Variants in CDK19 observed in about 807,000 individuals in gnomAD.
CDK19 encodes cyclin-dependent kinase 19.
CDK19 carries 20 observed loss-of-function variants against 68.3 expected under a neutral mutation model. The observed-to-expected ratio is 0.29, with a 90% CI of 0.21 to 0.43. The LOEUF is 0.43. Ranked by LOEUF, CDK19 falls within the 20% of genes least tolerant of loss-of-function variation. CDK19 has a pLI of 1.00. For missense variants in CDK19, 339 were observed against 623.5 expected, an observed-to-expected ratio of 0.54 and a Z score of 4.86; for synonymous variants, 221 against 222.8, an observed-to-expected ratio of 0.99 and a Z score of 0.07.
intron 1 of CDK19, among the ~76,000 whole-genome samples, chr6:110,804,883 G>C (rs981181162): frequency 6.6e-6 from 1 of 151,614 alleles, no homozygotes; most frequent in Non-Finnish European, 1.5e-5. Context: ...GTGAACCCAG[G>C]AGGCGGAGCT....
intron 5 of CDK19, among the ~76,000 whole-genome samples, chr6:110,636,329 G>A (rs1232041755): frequency 6.6e-6 from 1 of 152,168 alleles, no homozygotes; most frequent in African/African-American, 2.4e-5. Context: ...ATGATCCTGA[G>A]GCCATAACTT....
Position 110,611,282 on chromosome 6 carries a change from T to C in CDK19, c.*3253A>G, listed in dbSNP as rs1778008530. 6.6e-6 allele frequency: 1 copy of C among 152,264 alleles called. No homozygotes were observed. The allele number at this position is 152,264 out of a possible 1,614,324, so 9.4% of individuals were successfully genotyped here. On this transcript the variant is annotated 3_prime_UTR_variant, in exon 13 of 13. Transcript: ENST00000368911. ...AGCAGAAAGCCTTCACTTGGATTCA[T>C]TCCTTCCTGTCAATAACCCCTCCTA...
intron 3 of CDK19, among the ~76,000 whole-genome samples, chr6:110,668,946 T>C (rs892060938): frequency 6.6e-6 from 1 of 152,210 alleles, no homozygotes; most frequent in African/African-American, 2.4e-5. Flanking sequence ...AGTTTATTGC[T>C]TAAGTTCTTT....
At chr6:110,722,415 T>C (rs1775966025) in intron 2 of CDK19, 2 of 151,866 alleles carry the variant, frequency 1.3e-5, no homozygotes, top group African/African-American at 2.4e-5. Flanking sequence ...AAAAAATGTT[T>C]TGGCCGGGTA....
intron 4 of CDK19, among the ~76,000 whole-genome samples, chr6:110,657,179 T>C (rs1479268431): frequency 6.6e-6 from 1 of 152,158 alleles, no homozygotes; most frequent in Admixed American, 6.5e-5. Flanking sequence ...GAGTAGCAGG[T>C]CCAGATGAAA....
At chr6:110,670,172 C>T (rs1447854974) in intron 3 of CDK19, among the ~76,000 whole-genome samples, 7 of 148,648 alleles carry the variant, frequency 4.7e-5, no homozygotes, top group South Asian at 4.2e-4. Context: ...TCGTCTCCCC[C>T]GGGCCAAAAA....
chr6:110,778,657 G>A (rs1780587175), intron 1 of CDK19, among the ~76,000 whole-genome samples: 1 of 152,144 alleles, frequency 6.6e-6, no homozygotes, highest in South Asian at 2.1e-4. Context: ...ACTACTGGCT[G>A]CCTAGCATAC....
chr6:110,633,622 A>T (rs1010595597), intron 5 of CDK19, among the ~76,000 whole-genome samples: 5 of 135,844 alleles, frequency 3.7e-5, no homozygotes, highest in South Asian at 2.5e-4. Flanking sequence ...TAAAAGTAAT[A>T]AAAAAAATTA....
chr6:110,714,722 C>T (rs373045490), intron 2 of CDK19, among the ~76,000 whole-genome samples: 9 of 69,824 alleles, frequency 1.3e-4, no homozygotes, highest in South Asian at 1.1e-3. Flanking sequence ...AATGTCTTTT[C>T]TTTTTTTTTT....
At chr6:110,617,662 T>TATATACAAACAC in intron 12 of CDK19, among the ~76,000 whole-genome samples, 1 of 107,158 alleles carries the variant, frequency 9.3e-6, no homozygotes, top group Admixed American at 1.1e-4. Flanking sequence ...TATATATATA[T>TATATACAAACAC]ACACACACAC....
intron 2 of CDK19, among the ~76,000 whole-genome samples, chr6:110,733,327 TAAATTATTGATCC>T (rs1776902652): frequency 6.6e-6 from 1 of 152,242 alleles, no homozygotes; most frequent in African/African-American, 2.4e-5. Flanking sequence ...GGATACACCA[TAAATTATTGATCC>T]ACTCTCCTAT....
At chr6:110,751,667 G>C (rs545187625) in intron 1 of CDK19, among the ~76,000 whole-genome samples, 1 of 152,218 alleles carries the variant, frequency 6.6e-6, no homozygotes, top group Non-Finnish European at 1.5e-5. Flanking sequence ...GTCCCAAAAA[G>C]GTTGGAGACC....
chr6:110,692,734 CG>C (rs1218180807), intron 2 of CDK19, among the ~76,000 whole-genome samples: 1 of 152,150 alleles, frequency 6.6e-6, no homozygotes, highest in Non-Finnish European at 1.5e-5. Flanking sequence ...CAGTGGCTCA[CG>C]CCTGTAATCC....
At chr6:110,616,164 T>G (rs1778301188) in intron 12 of CDK19, among the ~76,000 whole-genome samples, 1 of 152,186 alleles carries the variant, frequency 6.6e-6, no homozygotes, top group Admixed American at 6.5e-5. Flanking sequence ...ATTCCTGTCT[T>G]GATAAATTGG....
rs556853619 is a variant in CDK19, at chr6:110,815,439, T to G, written c.-303A>C. 1.6e-4 allele frequency: 41 copies of G among 249,994 alleles called. No homozygotes were observed. Among genetic ancestry groups the G allele is most frequent in the Middle Eastern group, 1.2e-3 (1 of 828 alleles). 15.5% of individuals were successfully genotyped at this position (249,994 alleles called of 1,614,324 possible). ...TTTTGGAACCTGGTGGGCCGCGCCG[T>G]GGCTTCCTCGAGCTCATTAGCGAAC... On this transcript the variant is annotated 5_prime_UTR_variant, in exon 1 of 13. Transcript: ENST00000368911.
chr6:110,769,742 T>C (rs1029126884), intron 1 of CDK19, among the ~76,000 whole-genome samples: 9 of 152,136 alleles, frequency 5.9e-5, no homozygotes, highest in Middle Eastern at 3.2e-3. Flanking sequence ...ATCTTTCTCA[T>C]AGAAACTGAG....
intron 1 of CDK19, among the ~76,000 whole-genome samples, chr6:110,761,859 T>C (rs1306458920): frequency 6.6e-6 from 1 of 152,198 alleles, no homozygotes; most frequent in Admixed American, 6.5e-5. Context: ...CACATATTTA[T>C]GGGTATTTGT....
At chr6:110,813,277 T>C (rs1236208439) in intron 1 of CDK19, 1 of 152,154 alleles carries the variant, frequency 6.6e-6, no homozygotes, top group Non-Finnish European at 1.5e-5. Context: ...AGCAGAATTT[T>C]TAACTTCTCA....
intron 1 of CDK19, among the ~76,000 whole-genome samples, chr6:110,755,041 C>CTTTTT (rs34041330): frequency 7.6e-6 from 1 of 131,758 alleles, no homozygotes. Flanking sequence ...CTTGTGAATC[C>CTTTTT]TTTTTTTTTT....
Sources: allele counts gnomAD v4.1 joint callset (sites outside exome capture counted in the v4.1 genomes callset), GRCh38; gene constraint gnomAD v4.1.1; transcripts MANE v1.5; gene names NCBI Gene and HGNC (gene_info 2026-07-23, HGNC 2026-07-21).